The following SLC9A9 variants were observed in gnomAD, a reference collection of about 807,000 sequenced individuals.
The protein encoded by SLC9A9 is solute carrier family 9 member A9.
A neutral mutation model predicts 77.8 loss-of-function variants in SLC9A9; 62 were observed. The ratio of observed to expected loss-of-function variants is 0.80; its 90% CI spans 0.65 to 0.98. The LOEUF (loss-of-function observed/expected upper bound fraction) is 0.98, where lower values mean the gene tolerates loss of function less well. Among genes scored for constraint, SLC9A9 ranks in the 50% least tolerant of loss-of-function variants. The pLI is 0.00. For missense variants in SLC9A9, 775 were observed against 774.9 expected, an observed-to-expected ratio of 1.00 and a Z score of 0.00; for synonymous variants, 320 against 283.5, an observed-to-expected ratio of 1.13 and a Z score of -1.29.
chr3:143,458,969 T>C lies in SLC9A9; in HGVS notation c.1469+8068A>G, dbSNP rs138281145. 1.2e-3 allele frequency among the ~76,000 whole-genome samples: 183 copies of C among 152,266 alleles called. 5 individuals are homozygous for C. In the East Asian group the frequency reaches 0.035, roughly 29 times the overall value. On this transcript the variant is annotated intron_variant, in intron 12 of 15. Coordinates refer to ENST00000316549, the MANE Select transcript of SLC9A9 (RefSeq NM_173653.4). Reference sequence around the variant, plus strand: ...ATGTCATACTTTTGTTCAGATTAGATAATTTCTTATAATCTTCAAGTTCAC... The same window carrying C: ...ATGTCATACTTTTGTTCAGATTAGACAATTTCTTATAATCTTCAAGTTCAC...
At chr3:143,643,679 A>C (rs2038657646) in intron 6 of SLC9A9, among the ~76,000 whole-genome samples, 1 of 152,124 alleles carries the variant, frequency 6.6e-6, no homozygotes, top group Non-Finnish European at 1.5e-5. Flanking sequence ...CCTTTCTTTG[A>C]GTTTTTAGTG....
rs192272523 is a variant in SLC9A9 at position 143,556,932 on chromosome 3, G to T, written c.1001-4482C>A. Among the ~76,000 whole-genome samples the T allele has an allele frequency of 1.2e-3, 182 of 152,292 alleles. 1 individual carries two copies. The highest frequency in any genetic ancestry group is 1.9e-3 in the Non-Finnish European group (132 of 68,014). ...GCAAGACCATGTGCCAAGTCCAAGA[G>T]AACTGGAACTCATCCTCTTTTCAGT... is the stretch of plus-strand genomic sequence containing the variant. On this transcript the variant is annotated intron_variant, in intron 8 of 15. Coordinates refer to ENST00000316549, the MANE Select transcript of SLC9A9 (RefSeq NM_173653.4).
chr3:143,710,200 A>T (rs1165803412), intron 4 of SLC9A9, among the ~76,000 whole-genome samples: 2 of 152,244 alleles, frequency 1.3e-5, no homozygotes, highest in Non-Finnish European at 2.9e-5. Flanking sequence ...ACACACACAT[A>T]CATGTACATA....
At chr3:143,623,236 A>C (rs2108716198) in intron 6 of SLC9A9, among the ~76,000 whole-genome samples, 1 of 152,284 alleles carries the variant, frequency 6.6e-6, no homozygotes, top group African/African-American at 2.4e-5. Flanking sequence ...ATATCCAGGA[A>C]TTGAACTCAG....
At chr3:143,471,173 G>A (rs899625279) in intron 11 of SLC9A9, among the ~76,000 whole-genome samples, 3 of 152,182 alleles carry the variant, frequency 2.0e-5, no homozygotes, top group African/African-American at 4.8e-5. Flanking sequence ...ACGGCACTGC[G>A]GCACTGGAAG....
chr3:143,368,370 T>C (rs753630539), intron 13 of SLC9A9, among the ~76,000 whole-genome samples: 2 of 152,204 alleles, frequency 1.3e-5, no homozygotes, highest in Non-Finnish European at 2.9e-5. Flanking sequence ...AAGGGATTGT[T>C]TATTGTATTA....
chr3:143,659,639 G>A (rs2038949444), intron 5 of SLC9A9, among the ~76,000 whole-genome samples: 1 of 152,148 alleles, frequency 6.6e-6, no homozygotes, highest in African/African-American at 2.4e-5. Context: ...AAAAAAGATG[G>A]AAAGAGAGGG....
intron 13 of SLC9A9, among the ~76,000 whole-genome samples, chr3:143,375,340 G>T (rs1202068417): frequency 6.6e-6 from 1 of 152,172 alleles, no homozygotes; most frequent in African/African-American, 2.4e-5. Context: ...TAAATCTGCA[G>T]TTCTTTTGAC....
intron 4 of SLC9A9, among the ~76,000 whole-genome samples, chr3:143,742,446 C>T (rs374350008): frequency 6.6e-6 from 1 of 152,256 alleles, no homozygotes; most frequent in African/African-American, 2.4e-5. Context: ...GCAAGGTGAA[C>T]CTCTTGGGTG....
intron 13 of SLC9A9, among the ~76,000 whole-genome samples, chr3:143,366,946 A>G (rs575721947): frequency 6.6e-6 from 1 of 152,312 alleles, no homozygotes; most frequent in African/African-American, 2.4e-5. Context: ...GAAAATTTAG[A>G]GCTCCCCTTA....
intron 12 of SLC9A9, among the ~76,000 whole-genome samples, chr3:143,388,974 C>T (rs753415550): frequency 1.2e-4 from 19 of 152,052 alleles, no homozygotes; most frequent in African/African-American, 2.2e-4. Flanking sequence ...ACTCCAGGCA[C>T]GGCATGGGCA....
rs541866585 is a variant in SLC9A9 at position 143,829,149 on chromosome 3, C to A, written c.378+2870G>T. Among the ~76,000 whole-genome samples the A allele has an allele frequency of 9.3e-4, 142 of 152,236 alleles. 1 individual carries two copies. Among genetic ancestry groups the A allele is most frequent in the Non-Finnish European group, 1.9e-3 (129 of 68,010 alleles). ...GAGGTTCAATTTAATGAGGTCGGGTCTCTTTCTTGCTCTAAATTAGGTGAT... is the reference window on the plus strand; with the variant it reads ...GAGGTTCAATTTAATGAGGTCGGGTATCTTTCTTGCTCTAAATTAGGTGAT... On this transcript the variant is annotated intron_variant, in intron 2 of 15. Coordinates refer to ENST00000316549, the MANE Select transcript of SLC9A9 (RefSeq NM_173653.4).
At position 143,723,766 on chromosome 3, in the gene SLC9A9, C is replaced by T. The variant is rs1934564909; in HGVS notation, c.534-30459G>A. Among the ~76,000 whole-genome samples, 3 of 152,184 alleles carry T rather than the reference C, an allele frequency of 2.0e-5. No homozygotes were observed. The South Asian group carries it at 6.2e-4, about 31-fold the overall frequency. ...CCAGTCCTCTGACATCTTAGCACTGCATTCACCCCTCCAGGTGTGTTCTGT... is the reference window on the plus strand; with the variant it reads ...CCAGTCCTCTGACATCTTAGCACTGTATTCACCCCTCCAGGTGTGTTCTGT... On this transcript the variant is annotated intron_variant, in intron 4 of 15. Transcript: ENST00000316549.
At chr3:143,747,404 CA>C (rs1003997379) in intron 4 of SLC9A9, among the ~76,000 whole-genome samples, 1,077 of 51,692 alleles carry the variant, frequency 0.021, 1 homozygote, top group South Asian at 0.077. Context: ...AACTCCATCT[CA>C]AAAAAAAAAA....
intron 5 of SLC9A9, among the ~76,000 whole-genome samples, chr3:143,667,306 C>T (rs1270613574): frequency 2.6e-5 from 4 of 152,150 alleles, no homozygotes; most frequent in Non-Finnish European, 1.5e-5. Flanking sequence ...GGATCCCTTC[C>T]TTACACCTTA....
At chr3:143,481,341 A>C (rs2035570324) in intron 11 of SLC9A9, among the ~76,000 whole-genome samples, 1 of 152,236 alleles carries the variant, frequency 6.6e-6, no homozygotes, top group Non-Finnish European at 1.5e-5. Context: ...TGAGATCCAA[A>C]GAATGAAACA....
At chr3:143,299,321 G>C (rs1364849693) in intron 14 of SLC9A9, among the ~76,000 whole-genome samples, 2 of 152,148 alleles carry the variant, frequency 1.3e-5, no homozygotes, top group Non-Finnish European at 2.9e-5. Flanking sequence ...GAGCAGCTCT[G>C]TATAGGAGCT....
At chr3:143,428,594 C>G (rs1252034115) in intron 12 of SLC9A9, among the ~76,000 whole-genome samples, 2 of 152,064 alleles carry the variant, frequency 1.3e-5, no homozygotes, top group Non-Finnish European at 2.9e-5. Context: ...GGTGTGTATC[C>G]AAATGAAATG....
chr3:143,596,451 C>G lies in SLC9A9; in HGVS notation c.756-17728G>C, dbSNP rs568205143. ...ATACTCAAGGCTTTTTTATCTGTAG[C>G]CTTTTTGAAGTTTTATTATTTCCAT... On this transcript the variant is annotated intron_variant, in intron 6 of 15. Transcript: ENST00000316549. Among the ~76,000 whole-genome samples, 46 of 152,104 alleles carry G rather than the reference C, an allele frequency of 3.0e-4. 1 individual carries two copies. Among genetic ancestry groups the G allele is most frequent in the Non-Finnish European group, 5.3e-4 (36 of 67,970 alleles).
Sources: allele counts gnomAD v4.1 joint callset (sites outside exome capture counted in the v4.1 genomes callset), GRCh38; gene constraint gnomAD v4.1.1; transcripts MANE v1.5; gene names NCBI Gene and HGNC (gene_info 2026-07-23, HGNC 2026-07-21).